RETSAT: variants seen among roughly 807,000 people sequenced by gnomAD.
RETSAT encodes the protein retinol saturase.
In RETSAT, 35 loss-of-function variants were observed where a neutral mutation model predicts 61.6. The ratio of observed to expected loss-of-function variants is 0.57; its 90% CI spans 0.43 to 0.75. The LOEUF is 0.75. RETSAT is among the 30% of genes least tolerant of loss of function. The pLI is 0.00. For synonymous variants in RETSAT, 277 were observed against 310.4 expected (o/e 0.89, Z 1.13); for missense variants, 670 against 759.5 (o/e 0.88, Z 1.38).
At chr2:85,349,045 G>A (rs940103831) in intron 5 of RETSAT, among the ~76,000 whole-genome samples, 32 of 144,510 alleles carry the variant, frequency 2.2e-4, no homozygotes, top group African/African-American at 8.5e-4. Context: ...CACCATGCCC[G>A]GCCATATTTT....
intron 5 of RETSAT, among the ~76,000 whole-genome samples, chr2:85,346,438 T>G (rs1359488805): frequency 1.3e-5 from 2 of 152,184 alleles, no homozygotes; most frequent in South Asian, 2.1e-4. Context: ...CTGCCAGAGT[T>G]GTTTCCAAAT....
At chr2:85,354,077 G>C (rs996434819) in intron 1 of RETSAT, among the ~76,000 whole-genome samples, 5 of 152,240 alleles carry the variant, frequency 3.3e-5, no homozygotes, top group Admixed American at 2.6e-4. Flanking sequence ...AAGTGGCAGG[G>C]CGGGTGCCAA....
chr2:85,347,479 G>A (rs937941362), intron 5 of RETSAT, among the ~76,000 whole-genome samples: 1 of 151,548 alleles, frequency 6.6e-6, no homozygotes, highest in Non-Finnish European at 1.5e-5. Context: ...CACCCACCTC[G>A]GCCTCCCAAA....
intron 5 of RETSAT, 50 bp from the exon 6 acceptor site, chr2:85,346,144 G>T: frequency 6.3e-7 from 1 of 1,579,826 alleles, no homozygotes. Context: ...GGGATGAAGA[G>T]AAAGGCCCAC....
intron 1 of RETSAT, among the ~76,000 whole-genome samples, chr2:85,354,097 A>C (rs1488980723): frequency 6.6e-6 from 1 of 152,204 alleles, no homozygotes; most frequent in African/African-American, 2.4e-5. Flanking sequence ...ACACCTTGCA[A>C]ACCAAGGACA....
Position 85,349,565 on chromosome 2 carries a change from G to A in RETSAT, c.816C>T (p.His272=), listed in dbSNP as rs1234638659. 3.1e-6 allele frequency: 5 copies of A among 1,614,160 alleles called. No homozygotes were observed. Among genetic ancestry groups the A allele is most frequent in the Non-Finnish European group, 4.2e-6 (5 of 1,180,004 alleles). Residue 272 remains histidine, a synonymous_variant, in exon 5 of 11, where the codon CAC becomes CAT. Coordinates refer to ENST00000295802, the MANE Select transcript of RETSAT (RefSeq NM_017750.4). ...IFPTYGVTPN[H]SAFSMHALLV... is the part of the protein sequence containing the mutation. ...GCAGGGCGTGCATGGAAAAGGCACTGTGGTTGGGGGTGACACCTGCAGAAG... is the reference window on the plus strand; with the variant it reads ...GCAGGGCGTGCATGGAAAAGGCACTATGGTTGGGGGTGACACCTGCAGAAG...
At position 85,343,994 on chromosome 2, in the gene RETSAT, C is replaced by A. The variant is rs531672412; in HGVS notation, c.1533+5G>T. ...CGTCACCACCCCAAATACTTTACCCCCTACCTTCCCCTCCAGCTGTGGGAA... is the reference window on the plus strand; with the variant it reads ...CGTCACCACCCCAAATACTTTACCCACTACCTTCCCCTCCAGCTGTGGGAA... On this transcript the variant is annotated splice_donor_5th_base_variant and intron_variant, in intron 9 of 10. Transcript: ENST00000295802. 511 of 1,613,912 alleles carry A rather than the reference C, an allele frequency of 3.2e-4. 4 individuals carry two copies. The South Asian group carries it at 5.4e-3, about 17-fold the overall frequency.
chr2:85,347,577 A>G (rs1428277108), intron 5 of RETSAT, among the ~76,000 whole-genome samples: 1 of 152,148 alleles, frequency 6.6e-6, no homozygotes, highest in Non-Finnish European at 1.5e-5. Flanking sequence ...TATGTTGGCC[A>G]GGCTGGTCTC....
At position 85,344,711 on chromosome 2, in the gene RETSAT, G is replaced by A. The variant is rs559421827; in HGVS notation, c.1139C>T (p.Thr380Met). ...GGTCATGCCTAAGCCGGGCCGCACC[G>A]TCCCCAGTTGCTGCTTCACACCTGC... The part of the protein sequence containing the change: ...CLPGVKQQLG[T>M]VRPGLGMTSV... The change falls in exon 7 of 11, where the codon ACG becomes ATG. Residue 380 changes from threonine to methionine, a missense_variant. Transcript: ENST00000295802. 103 of 1,614,130 alleles carry A rather than the reference G, an allele frequency of 6.4e-5. 1 individual carries two copies. The highest frequency in any genetic ancestry group is 8.1e-5 in the Non-Finnish European group (95 of 1,179,996).
rs755034233 is a variant in RETSAT, at chr2:85,349,358, AGGGCAGGGCG to A, written c.997+16_997+25del. 6.2e-6 allele frequency: 10 copies of A among 1,612,874 alleles called. No homozygotes were observed. The Admixed American group carries it at 6.7e-5, about 11-fold the overall frequency. On this transcript the variant is annotated intron_variant, in intron 5 of 10. Transcript: ENST00000295802. ...GCCCACACCAACCCAGGGACCCAGA[AGGGCAGGGCG>A]GGGCAGGGCTCTCACCACAGGCTTT...
At chr2:85,353,536 T>C (rs2104442968) in intron 1 of RETSAT, among the ~76,000 whole-genome samples, 1 of 152,326 alleles carries the variant, frequency 6.6e-6, no homozygotes, top group Middle Eastern at 3.4e-3. Context: ...AGTCATCTCA[T>C]TTTTAGACCA....
rs762663446 is a variant in RETSAT at position 85,344,262 on chromosome 2, G to A, written c.1343C>T (p.Pro448Leu). 60 of 1,613,978 alleles carry A rather than the reference G, an allele frequency of 3.7e-5. No individual in the cohort carries two copies. The highest frequency in any genetic ancestry group is 1.1e-4 in the South Asian group (10 of 91,088). ...LFFAFPSAKD[P>L]TWEDRFPGRS... ...ACCTGGGAATCGGTCCTCCCAGGTC[G>A]GATCTTTGGCTGATGGGAAAGCGAA... Residue 448 changes from proline to leucine, a missense_variant, in exon 8 of 11, where the codon CCG (proline) becomes CTG (leucine). By Grantham distance (98) the Pro-to-Leu change is moderately conservative. Transcript: ENST00000295802.
chr2:85,351,969 C>T (rs1573066059), intron 1 of RETSAT, 107 bp from the exon 2 acceptor site: 1 of 1,064,048 alleles, frequency 9.4e-7, no homozygotes, highest in Non-Finnish European at 1.3e-6. Flanking sequence ...CAAGAAACCT[C>T]TAGAGTGGTT....
rs751451543 is a variant in RETSAT at position 85,344,222 on chromosome 2, G to A, written c.1366+17C>T. ...GGCCTCTCCCTCCACCCCCTCACCC[G>A]GGACGTGCAGCCCCACCTGGGAATC... On this transcript the variant is annotated intron_variant, in intron 8 of 10. Coordinates refer to ENST00000295802, the MANE Select transcript of RETSAT (RefSeq NM_017750.4). 6.3e-5 allele frequency: 101 copies of A among 1,609,978 alleles called. No individual in the cohort carries two copies. Among genetic ancestry groups the A allele is most frequent in the Middle Eastern group, 1.7e-4 (1 of 6,052 alleles).
In RETSAT at chr2:85,349,575, G is replaced by A. The variant is rs772966829; in HGVS notation, c.806C>T (p.Thr269Ile). 3.7e-6 allele frequency: 6 copies of A among 1,613,986 alleles called. No homozygotes were observed. The highest frequency in any genetic ancestry group is 1.1e-5 in the South Asian group (1 of 91,088). The change falls in exon 5 of 11, where the codon ACC becomes ATC. Residue 269 changes from threonine (T) to isoleucine (I), a missense_variant. By Grantham distance (89) the Thr-to-Ile change is moderately conservative. Transcript: ENST00000295802. ...CATGGAAAAGGCACTGTGGTTGGGG[G>A]TGACACCTGCAGAAGCAAGGAAGGG... is the stretch of plus-strand genomic sequence containing the variant. The part of the protein sequence containing the change: ...LSYIFPTYGV[T>I]PNHSAFSMHA...
intron 1 of RETSAT, 141 bp downstream of exon 1, chr2:85,354,195 C>T: frequency 4.5e-6 from 4 of 892,540 alleles, no homozygotes; most frequent in Non-Finnish European, 7.0e-6. Flanking sequence ...GGCTCCTCCA[C>T]GTGCAAGGAA....
chr2:85,348,887 A>T (rs1309776412), intron 5 of RETSAT, among the ~76,000 whole-genome samples: 1 of 151,608 alleles, frequency 6.6e-6, no homozygotes, highest in Non-Finnish European at 1.5e-5. Context: ...AGTAGCTGGG[A>T]CTATAGGTGC....
intron 5 of RETSAT, among the ~76,000 whole-genome samples, chr2:85,347,842 C>G (rs1399393642): frequency 6.6e-6 from 1 of 152,216 alleles, no homozygotes; most frequent in African/African-American, 2.4e-5. Flanking sequence ...TCTTACCACC[C>G]GGTAACTTAT....
chr2:85,352,542 G>A (rs557879231), intron 1 of RETSAT, among the ~76,000 whole-genome samples: 2 of 151,754 alleles, frequency 1.3e-5, no homozygotes, highest in African/African-American at 2.4e-5. Flanking sequence ...GAGCCACCGC[G>A]CCCCGCCTAT....
Sources: gnomAD v4.1 joint callset for allele counts (sites outside exome capture counted in the v4.1 genomes callset) on GRCh38, gnomAD v4.1.1 for gene constraint, MANE v1.5 for transcripts, NCBI Gene and HGNC (gene_info 2026-07-23, HGNC 2026-07-21) for gene names.